Variants in PXDNL observed in about 807,000 individuals in gnomAD.
PXDNL encodes peroxidasin like.
A neutral mutation model predicts 150.8 loss-of-function variants in PXDNL; 145 were observed. The observed-to-expected ratio is 0.96, with a 90% CI of 0.84 to 1.10. The LOEUF (loss-of-function observed/expected upper bound fraction) is 1.10, where lower values mean the gene tolerates loss of function less well. Among genes scored for constraint, PXDNL ranks in the 50% least tolerant of loss-of-function variants. The probability of loss-of-function intolerance (pLI) is 0.00; values close to 1 mark genes in which losing one functional copy is unlikely to be tolerated. For synonymous variants in PXDNL, 757 were observed against 725.7 expected (o/e 1.04, Z -0.69); for missense variants, 2,087 against 1,873.9 (o/e 1.11, Z -2.10).
At chr8:51,436,512 T>C (rs932438926) in intron 12 of PXDNL, 2 of 295,302 alleles carry the variant, frequency 6.8e-6, no homozygotes, top group African/African-American at 2.2e-5. Flanking sequence ...GTGATCCCAC[T>C]GTTCAGACCA....
intron 1 of PXDNL, among the ~76,000 whole-genome samples, chr8:51,658,344 GAA>G (rs34771782): frequency 0.055 from 5,216 of 94,208 alleles, 193 homozygotes; most frequent in African/African-American, 0.19. Context: ...CCTGTCTCAA[GAA>G]AAAAAAAAAA....
At chr8:51,701,513 T>G (rs11986128) in intron 1 of PXDNL, among the ~76,000 whole-genome samples, 11,993 of 152,186 alleles carry the variant, frequency 0.079, 690 homozygotes, top group African/African-American at 0.17. Flanking sequence ...TACAGAACTG[T>G]TCTTCCATTC....
chr8:51,735,239 G>A (rs1817007911), intron 1 of PXDNL, among the ~76,000 whole-genome samples: 1 of 152,088 alleles, frequency 6.6e-6, no homozygotes. Flanking sequence ...CCAGCACTTT[G>A]GGATGTCGAG....
chr8:51,552,677 T>C (rs1250321300), intron 4 of PXDNL, among the ~76,000 whole-genome samples: 1 of 151,782 alleles, frequency 6.6e-6, no homozygotes, highest in South Asian at 2.1e-4. Flanking sequence ...GTATTCGGAG[T>C]AAGGATGGAA....
chr8:51,346,729 C>T lies in PXDNL; in HGVS notation c.3902-782G>A, dbSNP rs116912697. On this transcript the variant is annotated intron_variant, in intron 19 of 22. Transcript: ENST00000356297. ...GACCTCCCGTACTCTCTTGCTCCCA[C>T]TCATGTCATGTGCCCTGCCTCCTGC... Among the ~76,000 whole-genome samples, 6 of 152,252 alleles carry T rather than the reference C, an allele frequency of 3.9e-5. No homozygotes were observed. In the East Asian group the frequency reaches 7.7e-4, roughly 20 times the overall value.
chr8:51,639,249 A>G (rs566677395), intron 2 of PXDNL, among the ~76,000 whole-genome samples: 52 of 152,264 alleles, frequency 3.4e-4, no homozygotes, highest in African/African-American at 1.2e-3. Flanking sequence ...AGAGAAAGCA[A>G]GAAAGATCTA....
At chr8:51,530,559 G>A (rs1368144642) in intron 4 of PXDNL, among the ~76,000 whole-genome samples, 1 of 152,116 alleles carries the variant, frequency 6.6e-6, no homozygotes, top group Non-Finnish European at 1.5e-5. Context: ...CACCCGGACT[G>A]CCCACTGCTG....
intron 1 of PXDNL, among the ~76,000 whole-genome samples, chr8:51,677,177 CCA>C (rs1197028728): frequency 6.6e-6 from 1 of 152,138 alleles, no homozygotes; most frequent in Non-Finnish European, 1.5e-5. Context: ...ATTTCTGTTG[CCA>C]AATAGCTGAG....
At chr8:51,584,752 A>ATCT (rs545494404) in intron 3 of PXDNL, among the ~76,000 whole-genome samples, 252 of 152,254 alleles carry the variant, frequency 1.7e-3, no homozygotes, top group African/African-American at 5.6e-3. Flanking sequence ...ATAAAGTTGA[A>ATCT]TCTTATATGT....
At chr8:51,349,608 A>G (rs1277130181) in intron 19 of PXDNL, among the ~76,000 whole-genome samples, 1 of 152,168 alleles carries the variant, frequency 6.6e-6, no homozygotes, top group Non-Finnish European at 1.5e-5. Flanking sequence ...TGCCTAGTAA[A>G]TGCTTTAATA....
At chr8:51,447,652 G>C (rs1397269250) in intron 11 of PXDNL, among the ~76,000 whole-genome samples, 1 of 152,184 alleles carries the variant, frequency 6.6e-6, no homozygotes, top group Non-Finnish European at 1.5e-5. Context: ...AGAGGCCATT[G>C]TACTTTGCAC....
At chr8:51,417,431 G>C (rs79222227) in intron 14 of PXDNL, among the ~76,000 whole-genome samples, 1 of 152,140 alleles carries the variant, frequency 6.6e-6, no homozygotes, top group East Asian at 1.9e-4. Context: ...CTTAGGCCAC[G>C]TGGCCACTCA....
intron 12 of PXDNL, among the ~76,000 whole-genome samples, chr8:51,442,342 T>C (rs1381929879): frequency 6.6e-6 from 1 of 150,608 alleles, no homozygotes; most frequent in Non-Finnish European, 1.5e-5. Flanking sequence ...AGAATTTTCT[T>C]GGTTATTCTT....
In PXDNL at chr8:51,333,994, C is replaced by A. The variant is rs184945780; in HGVS notation, c.4146+5630G>T. On this transcript the variant is annotated intron_variant, in intron 21 of 22. Transcript: ENST00000356297. Reference sequence around the variant, plus strand: ...CATAACAGATATATACAGAACACTCCATTCAACAACCATAGAATACACATT... The same window carrying A: ...CATAACAGATATATACAGAACACTCAATTCAACAACCATAGAATACACATT... Among the ~76,000 whole-genome samples, 50 of 152,206 alleles carry A rather than the reference C, an allele frequency of 3.3e-4. 2 individuals carry two copies. In the East Asian group the frequency reaches 3.7e-3, roughly 11 times the overall value.
intron 4 of PXDNL, among the ~76,000 whole-genome samples, chr8:51,542,617 G>A (rs1401935366): frequency 3.3e-5 from 5 of 151,710 alleles, no homozygotes; most frequent in African/African-American, 7.3e-5. Flanking sequence ...GAGACCAGCC[G>A]GACCAATATG....
intron 4 of PXDNL, among the ~76,000 whole-genome samples, chr8:51,553,771 T>TATATATACAC (rs1236843720): frequency 3.1e-5 from 2 of 63,860 alleles, no homozygotes; most frequent in African/African-American, 1.9e-4. Context: ...TATATATATA[T>TATATATACAC]ACACACACTG....
At chr8:51,402,245 C>A (rs573048513) in intron 17 of PXDNL, among the ~76,000 whole-genome samples, 1 of 152,114 alleles carries the variant, frequency 6.6e-6, no homozygotes, top group African/African-American at 2.4e-5. Flanking sequence ...GGAGCGGAGG[C>A]AGGGCTGGGC....
chr8:51,626,329 A>T (rs1326982719), intron 2 of PXDNL, among the ~76,000 whole-genome samples: 1 of 152,212 alleles, frequency 6.6e-6, no homozygotes, highest in African/African-American at 2.4e-5. Flanking sequence ...TAAAAACTAC[A>T]GTTTGGTTAT....
rs1344988817 is a variant in PXDNL, at chr8:51,367,483, AT to A, written c.3901+4389del. ...TAATATAATTGTTTGTGGAATCGTCATGTTTATCTTTTTAGAAATAAATCTG... is the reference window on the plus strand; with the variant it reads ...TAATATAATTGTTTGTGGAATCGTCAGTTTATCTTTTTAGAAATAAATCTG... On this transcript the variant is annotated intron_variant, in intron 19 of 22. Coordinates refer to ENST00000356297, the MANE Select transcript of PXDNL (RefSeq NM_144651.5). Among the ~76,000 whole-genome samples the A allele has an allele frequency of 2.0e-5, 3 of 152,206 alleles. No homozygotes were observed. In the East Asian group the frequency reaches 5.8e-4, roughly 29 times the overall value.
Sources: gnomAD v4.1 joint callset for allele counts (sites outside exome capture counted in the v4.1 genomes callset) on GRCh38, gnomAD v4.1.1 for gene constraint, MANE v1.5 for transcripts, NCBI Gene and HGNC (gene_info 2026-07-23, HGNC 2026-07-21) for gene names.